The following HS3ST5 variants were observed in gnomAD, a reference collection of about 807,000 sequenced individuals.
The protein encoded by HS3ST5 is heparan sulfate-glucosamine 3-sulfotransferase 5.
In HS3ST5, 10 loss-of-function variants were observed where a neutral mutation model predicts 25.4. The observed-to-expected ratio is 0.39, with a 90% CI of 0.24 to 0.67. The LOEUF is 0.67. Among genes scored for constraint, HS3ST5 ranks in the 30% least tolerant of loss-of-function variants. The pLI, the probability that HS3ST5 is intolerant of heterozygous loss-of-function variation, is 0.44. For synonymous variants in HS3ST5, 170 were observed against 162.4 expected (o/e 1.05, Z -0.36); for missense variants, 324 against 420.7 (o/e 0.77, Z 2.01).
At chr6:114,271,231 T>C (rs1773626121) in intron 1 of HS3ST5, among the ~76,000 whole-genome samples, 1 of 152,106 alleles carries the variant, frequency 6.6e-6, no homozygotes, top group Non-Finnish European at 1.5e-5. Context: ...TGGTGTATGT[T>C]GTTTCTCAAT....
At chr6:114,309,316 A>G (rs1775433847) in intron 1 of HS3ST5, among the ~76,000 whole-genome samples, 1 of 152,230 alleles carries the variant, frequency 6.6e-6, no homozygotes, top group Non-Finnish European at 1.5e-5. Flanking sequence ...AGTAATAGGT[A>G]AAAACCTCTT....
chr6:114,109,262 A>G (rs1300550142), intron 3 of HS3ST5, among the ~76,000 whole-genome samples: 2 of 122,634 alleles, frequency 1.6e-5, no homozygotes, highest in Non-Finnish European at 3.8e-5. Context: ...TTGTATCTAT[A>G]TGTGTGTGTG....
chr6:114,227,524 T>C (rs1460340788), intron 2 of HS3ST5, among the ~76,000 whole-genome samples: 1 of 151,974 alleles, frequency 6.6e-6, no homozygotes, highest in Non-Finnish European at 1.5e-5. Context: ...ATTATAAAAA[T>C]GAAGTTGCTA....
At chr6:114,275,662 T>G (rs1582779410) in intron 1 of HS3ST5, among the ~76,000 whole-genome samples, 1 of 152,020 alleles carries the variant, frequency 6.6e-6, no homozygotes, top group South Asian at 2.1e-4. Flanking sequence ...ACTCTTCAAC[T>G]CTGCCATTAT....
intron 1 of HS3ST5, among the ~76,000 whole-genome samples, chr6:114,306,472 C>T (rs951277999): frequency 6.6e-6 from 1 of 151,270 alleles, no homozygotes; most frequent in East Asian, 1.9e-4. Context: ...ATCTCAGAGC[C>T]AATTTTGAAT....
chr6:114,256,195 T>C (rs1018079963), intron 1 of HS3ST5, among the ~76,000 whole-genome samples: 6 of 152,168 alleles, frequency 3.9e-5, no homozygotes, highest in African/African-American at 9.6e-5. Context: ...AAGACCATCT[T>C]GGCTAACACA....
chr6:114,165,571 T>C (rs1451051772), intron 3 of HS3ST5, among the ~76,000 whole-genome samples: 2 of 152,184 alleles, frequency 1.3e-5, no homozygotes, highest in African/African-American at 4.8e-5. Flanking sequence ...AATATCTTGA[T>C]CTTCATAGTA....
intron 2 of HS3ST5, among the ~76,000 whole-genome samples, chr6:114,174,624 C>T (rs1779634279): frequency 6.6e-6 from 1 of 151,998 alleles, no homozygotes; most frequent in South Asian, 2.1e-4. Context: ...ACTAATGTTC[C>T]CATTTGGTTA....
At chr6:114,070,398 T>C (rs1472537084) in intron 3 of HS3ST5, among the ~76,000 whole-genome samples, 1 of 152,124 alleles carries the variant, frequency 6.6e-6, no homozygotes, top group Non-Finnish European at 1.5e-5. Flanking sequence ...ATAGTAGCAA[T>C]TATAATGAAA....
chr6:114,329,790 T>C (rs553293003), intron 1 of HS3ST5, among the ~76,000 whole-genome samples: 1 of 152,292 alleles, frequency 6.6e-6, no homozygotes, highest in South Asian at 2.1e-4. Context: ...CAATAGTCCT[T>C]GTGTGCTAGA....
rs386408321 is a variant in HS3ST5, at chr6:114,248,208, G to GAAAA, written c.-338-19434_-338-19431dup. Among the ~76,000 whole-genome samples, 1,070 of 135,944 alleles carry GAAAA rather than the reference G, an allele frequency of 7.9e-3. 32 individuals carry two copies. Among genetic ancestry groups the GAAAA allele is most frequent in the Admixed American group, 0.057 (770 of 13,470 alleles). The allele number at this position is 135,944 out of a possible 152,430, so 89.2% of individuals were successfully genotyped here. On this transcript the variant is annotated intron_variant, in intron 1 of 4. Transcript: ENST00000312719. Reference sequence around the variant, plus strand: ...AGAGCGAGATTCCATCTCAAAAAATGAAAAAAAAAATATATATATATATAT... The same window carrying GAAAA: ...AGAGCGAGATTCCATCTCAAAAAATGAAAAAAAAAAAAAATATATATATATATAT...
intron 2 of HS3ST5, among the ~76,000 whole-genome samples, chr6:114,215,788 T>C (rs888848257): frequency 3.3e-5 from 5 of 152,220 alleles, no homozygotes; most frequent in Admixed American, 3.3e-4. Context: ...GATATCTGCA[T>C]AAGCCTATAC....
At chr6:114,085,938 C>A (rs1774785429) in intron 3 of HS3ST5, among the ~76,000 whole-genome samples, 1 of 126,758 alleles carries the variant, frequency 7.9e-6, no homozygotes, top group Non-Finnish European at 1.6e-5. Flanking sequence ...TTCATTGCCC[C>A]CCCCCCCATT....
intron 1 of HS3ST5, among the ~76,000 whole-genome samples, chr6:114,261,165 A>T (rs999656000): frequency 6.6e-6 from 1 of 152,206 alleles, no homozygotes; most frequent in Non-Finnish European, 1.5e-5. Flanking sequence ...GGTAGGAAAA[A>T]AAATGAGGGG....
At chr6:114,096,987 AGAAAG>A (rs938532563) in intron 3 of HS3ST5, among the ~76,000 whole-genome samples, 1 of 152,120 alleles carries the variant, frequency 6.6e-6, no homozygotes, top group African/African-American at 2.4e-5. Context: ...CACCTGATAA[AGAAAG>A]GAATAATGTG....
Position 114,270,085 on chromosome 6 carries a change from G to A in HS3ST5, c.-338-41307C>T, listed in dbSNP as rs80047346. On this transcript the variant is annotated intron_variant, in intron 1 of 4. Coordinates refer to ENST00000312719, the MANE Select transcript of HS3ST5 (RefSeq NM_153612.4). Reference sequence around the variant, plus strand: ...AGATTAGCTGCGGTGGCACCACGTCGTCTGGCACCAGAGTGGTCTGTGGAC... The same window carrying A: ...AGATTAGCTGCGGTGGCACCACGTCATCTGGCACCAGAGTGGTCTGTGGAC... Among the ~76,000 whole-genome samples, 50 of 152,266 alleles carry A rather than the reference G, an allele frequency of 3.3e-4. 3 individuals carry two copies. The East Asian group carries it at 8.1e-3, about 25-fold the overall frequency.
chr6:114,201,302 T>C (rs1470173205), intron 2 of HS3ST5, among the ~76,000 whole-genome samples: 1 of 152,210 alleles, frequency 6.6e-6, no homozygotes, highest in Non-Finnish European at 1.5e-5. Flanking sequence ...AAAGAAATCT[T>C]GCTGGGTCTA....
intron 3 of HS3ST5, among the ~76,000 whole-genome samples, chr6:114,097,179 T>C (rs1775477104): frequency 6.6e-6 from 1 of 152,086 alleles, no homozygotes; most frequent in African/African-American, 2.4e-5. Context: ...TGTATCTCTA[T>C]ACATATATAT....
chr6:114,108,116 G>A (rs1776083168), intron 3 of HS3ST5, among the ~76,000 whole-genome samples: 1 of 152,172 alleles, frequency 6.6e-6, no homozygotes, highest in Admixed American at 6.5e-5. Context: ...TCTGGGTCCA[G>A]TCAAGAGAGG....
Sources: gnomAD v4.1 joint callset for allele counts (sites outside exome capture counted in the v4.1 genomes callset) on GRCh38, gnomAD v4.1.1 for gene constraint, MANE v1.5 for transcripts, NCBI Gene and HGNC (gene_info 2026-07-23, HGNC 2026-07-21) for gene names.